NDUFAF6: variants seen among roughly 807,000 people sequenced by gnomAD.
NDUFAF6 encodes the protein NADH dehydrogenase (ubiquinone) complex I, assembly factor 6.
NDUFAF6 carries 45 observed loss-of-function variants against 40.8 expected under a neutral mutation model. The ratio of observed to expected loss-of-function variants is 1.10; its 90% confidence interval spans 0.87 to 1.42. The LOEUF (loss-of-function observed/expected upper bound fraction) is 1.42. Among genes scored for constraint, NDUFAF6 ranks in the 40% most tolerant of loss-of-function variants. NDUFAF6 has a pLI of 0.00. For missense variants in NDUFAF6, 435 were observed against 418.5 expected (o/e 1.04, Z -0.34); for synonymous variants, 185 against 155.9 (o/e 1.19, Z -1.39).
At chr8:95,051,625 G>C (rs532528973) in intron 7 of NDUFAF6, among the ~76,000 whole-genome samples, 1 of 152,306 alleles carries the variant, frequency 6.6e-6, no homozygotes, top group African/African-American at 2.4e-5. Context: ...AGGGAGTTAG[G>C]TTGGATGGAC....
intron 3 of NDUFAF6, among the ~76,000 whole-genome samples, chr8:95,039,748 T>G (rs1829950559): frequency 6.6e-6 from 1 of 151,960 alleles, no homozygotes; most frequent in African/African-American, 2.4e-5. Context: ...GTCAGCCTTC[T>G]GAGTAGCTGG....
chr8:95,058,754 C>T (rs917747380), downstream of NDUFAF6: 3 of 988,930 alleles, frequency 3.0e-6, no homozygotes, highest in African/African-American at 3.5e-5. Flanking sequence ...CAGTGATGAG[C>T]ACTGTGCTGT....
intron 2 of NDUFAF6, among the ~76,000 whole-genome samples, chr8:95,089,698 T>C (rs548812071): frequency 1.8e-4 from 27 of 152,286 alleles, no homozygotes; most frequent in Non-Finnish European, 2.6e-4. Context: ...CTCTTCCAAA[T>C]GGACCCAAAT....
intron 2 of NDUFAF6, among the ~76,000 whole-genome samples, chr8:95,093,990 A>G (rs1417152529): frequency 6.6e-6 from 1 of 151,402 alleles, no homozygotes; most frequent in Non-Finnish European, 1.5e-5. Flanking sequence ...TTTTTTTTTG[A>G]GACAGCGTCT....
intron 8 of NDUFAF6, among the ~76,000 whole-genome samples, chr8:95,053,636 T>G (rs1831708978): frequency 6.6e-6 from 1 of 151,970 alleles, no homozygotes; most frequent in African/African-American, 2.4e-5. Context: ...TCTTTCTTTT[T>G]TTTTTTGGAG....
intron 1 of NDUFAF6, among the ~76,000 whole-genome samples, chr8:95,026,870 G>A (rs1828209520): frequency 6.6e-6 from 1 of 152,018 alleles, no homozygotes; most frequent in Admixed American, 6.6e-5. Flanking sequence ...CAACATAGCG[G>A]GATGCTGTTG....
chr8:95,053,270 C>T (rs1029462210), intron 8 of NDUFAF6, among the ~76,000 whole-genome samples: 2 of 152,306 alleles, frequency 1.3e-5, no homozygotes, highest in Admixed American at 1.3e-4. Context: ...TCTCACAATT[C>T]TACCGTATCT....
downstream of NDUFAF6, among the ~76,000 whole-genome samples, chr8:95,104,861 A>T (rs1809771281): frequency 6.6e-6 from 1 of 152,240 alleles, no homozygotes; most frequent in East Asian, 1.9e-4. Context: ...CCTGGCTGGG[A>T]AAGATGAGCT....
At chr8:95,111,343 C>T (rs773176653) in intron 4 of NDUFAF6, among the ~76,000 whole-genome samples, 3 of 152,182 alleles carry the variant, frequency 2.0e-5, no homozygotes, top group Non-Finnish European at 4.4e-5. Flanking sequence ...ACTTCACAAA[C>T]ATCACAGAAA....
At chr8:94,896,280 C>A (rs1269909176) in intron 1 of NDUFAF6, among the ~76,000 whole-genome samples, 2 of 148,690 alleles carry the variant, frequency 1.3e-5, no homozygotes, top group East Asian at 3.9e-4. Flanking sequence ...CCCGCCGCCG[C>A]CGCCAGCGCG....
chr8:94,899,312 T>C (rs1012464440), intron 1 of NDUFAF6, among the ~76,000 whole-genome samples: 8 of 152,260 alleles, frequency 5.3e-5, no homozygotes, highest in African/African-American at 1.9e-4. Flanking sequence ...GAAGCGTCAT[T>C]GAGACCTCTA....
chr8:94,935,128 T>TATAGATAGATATAGATAG (rs1554630989), intron 1 of NDUFAF6, among the ~76,000 whole-genome samples: 29 of 144,750 alleles, frequency 2.0e-4, no homozygotes, highest in African/African-American at 7.3e-4. Context: ...GGTAGATAGA[T>TATAGATAGATATAGATAG]ATAGATAGAT....
At chr8:95,072,272 T>A (rs924083206) in intron 9 of NDUFAF6, among the ~76,000 whole-genome samples, 1 of 152,116 alleles carries the variant, frequency 6.6e-6, no homozygotes, top group Non-Finnish European at 1.5e-5. Flanking sequence ...GCCAGAACCC[T>A]CCCTGTCCCC....
intron 1 of NDUFAF6, among the ~76,000 whole-genome samples, chr8:94,902,896 G>T (rs929180967): frequency 6.6e-6 from 1 of 151,772 alleles, no homozygotes; most frequent in African/African-American, 2.4e-5. Context: ...ACTAAATGAC[G>T]TTTCACCATG....
At chr8:94,904,170 G>C (rs757064192) in intron 1 of NDUFAF6, among the ~76,000 whole-genome samples, 2 of 151,164 alleles carry the variant, frequency 1.3e-5, no homozygotes, top group African/African-American at 4.9e-5. Context: ...TTGAGATGGA[G>C]ACTCACTTTG....
chr8:95,028,212 C>T (rs1273421719), intron 1 of NDUFAF6, among the ~76,000 whole-genome samples: 1 of 152,240 alleles, frequency 6.6e-6, no homozygotes. Context: ...GTGTCTGGAA[C>T]AGTGCCTGGC....
Position 95,075,561 on chromosome 8 carries a change from C to T in NDUFAF6, c.*512-72C>T, listed in dbSNP as rs938845258. On this transcript the variant is annotated intron_variant and NMD_transcript_variant, in intron 9 of 9. Transcript: ENST00000520757. ...CCCCAGGCCAACCATAAGCATCTCT[C>T]GGGGCATGGGAATGTTTCCCTAGAA... 2.9e-4 allele frequency: 358 copies of T among 1,221,142 alleles called. 1 individual carries two copies. Among genetic ancestry groups the T allele is most frequent in the Middle Eastern group, 2.9e-4 (1 of 3,396 alleles). The allele number at this position is 1,221,142 out of a possible 1,614,324, so 75.6% of individuals were successfully genotyped here. A position where few individuals can be genotyped will look rare whatever the true frequency, so the allele number is the denominator to read the frequency against.
chr8:95,113,577 C>T (rs1810055313), intron 4 of NDUFAF6, among the ~76,000 whole-genome samples: 1 of 152,204 alleles, frequency 6.6e-6, no homozygotes, highest in African/African-American at 2.4e-5. Context: ...TGCATTGACT[C>T]TTCTTGCCTT....
At chr8:94,938,240 C>T (rs1349192991) in intron 1 of NDUFAF6, among the ~76,000 whole-genome samples, 3 of 152,176 alleles carry the variant, frequency 2.0e-5, no homozygotes, top group Admixed American at 6.5e-5. Context: ...GAGACATGCT[C>T]ATACAGTACG....
Sources: gnomAD v4.1 joint callset for allele counts (sites outside exome capture counted in the v4.1 genomes callset) on GRCh38, gnomAD v4.1.1 for gene constraint, MANE v1.5 for transcripts, NCBI Gene and HGNC (gene_info 2026-07-23, HGNC 2026-07-21) for gene names.